Variants in CSTPP1 observed in about 807,000 individuals in gnomAD.
CSTPP1 encodes centriolar satellite-associated tubulin polyglutamylase complex regulator 1, also known as UPF0705 protein C11orf49.
chr11:46,976,828 C>T, the CSTPP1 span, among the ~76,000 whole-genome samples: 1 of 152,104 alleles, frequency 6.6e-6, no homozygotes, highest in African/African-American at 2.4e-5. Flanking sequence ...CCCGAATCTA[C>T]GAGAAGTTGA....
chr11:46,987,131 C>A, the CSTPP1 span: 11 of 1,402,412 alleles, frequency 7.8e-6, no homozygotes, highest in Non-Finnish European at 9.0e-6. Context: ...TTACACATGA[C>A]CTCCTACTAG....
At chr11:46,964,455 T>A in the CSTPP1 span, among the ~76,000 whole-genome samples, 2 of 152,028 alleles carry the variant, frequency 1.3e-5, no homozygotes, top group Non-Finnish European at 2.9e-5. Context: ...CTGACTAATA[T>A]TTTGTATTTT....
chr11:46,998,837 G>C, the CSTPP1 span, among the ~76,000 whole-genome samples: 1 of 152,092 alleles, frequency 6.6e-6, no homozygotes, highest in African/African-American at 2.4e-5. Context: ...TCAGGTTCAC[G>C]ACATTCTCCC....
At chr11:47,081,793 C>G in the CSTPP1 span, among the ~76,000 whole-genome samples, 16 of 152,054 alleles carry the variant, frequency 1.1e-4, no homozygotes, top group Middle Eastern at 3.4e-3. Flanking sequence ...CTAGATGGAT[C>G]AAAAATTTCA....
chr11:47,100,995 T>C, the CSTPP1 span, among the ~76,000 whole-genome samples: 1 of 149,030 alleles, frequency 6.7e-6, no homozygotes. Flanking sequence ...TATTTTATTC[T>C]GAGGGAATTT....
At chr11:47,128,682 C>T in the CSTPP1 span, among the ~76,000 whole-genome samples, 1 of 152,202 alleles carries the variant, frequency 6.6e-6, no homozygotes, top group South Asian at 2.1e-4. Context: ...GCCATTGCGC[C>T]AGACCTAGAT....
At chr11:46,938,918 A>G in the CSTPP1 span, among the ~76,000 whole-genome samples, 1 of 151,548 alleles carries the variant, frequency 6.6e-6, no homozygotes, top group South Asian at 2.1e-4. Flanking sequence ...CTGGGACTAC[A>G]GGCACATGCC....
the CSTPP1 span, among the ~76,000 whole-genome samples, chr11:47,163,643 T>C: frequency 1.3e-5 from 2 of 152,138 alleles, no homozygotes; most frequent in Non-Finnish European, 2.9e-5. Flanking sequence ...TGTATATATA[T>C]GTAATTTTTT....
the CSTPP1 span, among the ~76,000 whole-genome samples, chr11:47,005,017 T>G: frequency 3.3e-5 from 5 of 152,164 alleles, no homozygotes; most frequent in Admixed American, 2.0e-4. Context: ...GTGGGGATAA[T>G]TGTTCATCTG....
chr11:46,959,948 C>A, the CSTPP1 span, among the ~76,000 whole-genome samples: 1 of 149,902 alleles, frequency 6.7e-6, no homozygotes, highest in African/African-American at 2.5e-5. Flanking sequence ...CTCACTGCAA[C>A]CTCCACCTCC....
At chr11:46,977,173 T>C in the CSTPP1 span, among the ~76,000 whole-genome samples, 2 of 152,230 alleles carry the variant, frequency 1.3e-5, no homozygotes, top group African/African-American at 4.8e-5. Flanking sequence ...TGCATTGTAA[T>C]GTTATCAGTG....
At chr11:47,100,799 A>G in the CSTPP1 span, among the ~76,000 whole-genome samples, 232 of 152,318 alleles carry the variant, frequency 1.5e-3, 1 homozygote, top group Admixed American at 3.5e-3. Flanking sequence ...CAAAAAACAA[A>G]CAAAAGAGAT....
chr11:47,122,068 TC>T, the CSTPP1 span, among the ~76,000 whole-genome samples: 8 of 5,288 alleles, frequency 1.5e-3, no homozygotes, highest in African/African-American at 5.9e-3. Flanking sequence ...AGACCCTGTC[TC>T]AAAAAAAAAA....
the CSTPP1 span, among the ~76,000 whole-genome samples, chr11:46,949,748 A>G: frequency 6.6e-6 from 1 of 151,600 alleles, no homozygotes; most frequent in Admixed American, 6.6e-5. Flanking sequence ...GCTCACTGCA[A>G]CCTCTGCCTC....
At chr11:47,126,253 C>G in the CSTPP1 span, among the ~76,000 whole-genome samples, 1 of 152,130 alleles carries the variant, frequency 6.6e-6, no homozygotes. Flanking sequence ...CAGACTACAT[C>G]TGACCCTGGA....
the CSTPP1 span, among the ~76,000 whole-genome samples, chr11:46,943,101 C>T: frequency 6.6e-6 from 1 of 152,094 alleles, no homozygotes; most frequent in South Asian, 2.1e-4. Flanking sequence ...ATTGTATACT[C>T]TCCTACACTT....
the CSTPP1 span, among the ~76,000 whole-genome samples, chr11:47,034,209 A>G: frequency 1.3e-5 from 2 of 152,154 alleles, no homozygotes; most frequent in Non-Finnish European, 2.9e-5. Context: ...TCCAGAAAAA[A>G]TGGTTCTCAT....
chr11:46,944,845 G>A, the CSTPP1 span, among the ~76,000 whole-genome samples: 1 of 152,112 alleles, frequency 6.6e-6, no homozygotes, highest in Non-Finnish European at 1.5e-5. Context: ...TACATCTCTC[G>A]CATGTCTGAT....
chr11:47,082,473 T>C, the CSTPP1 span, among the ~76,000 whole-genome samples: 1 of 91,144 alleles, frequency 1.1e-5, no homozygotes, highest in Non-Finnish European at 2.2e-5. Context: ...AGTAGAAGAT[T>C]GAAGGATGAA....
Sources: allele counts gnomAD v4.1 joint callset (sites outside exome capture counted in the v4.1 genomes callset), GRCh38; gene constraint gnomAD v4.1.1; transcripts MANE v1.5; gene names NCBI Gene and HGNC (gene_info 2026-07-23, HGNC 2026-07-21).